CNTNAP5: variants seen among roughly 807,000 people sequenced by gnomAD.
The protein encoded by CNTNAP5 is contactin associated protein family member 5.
CNTNAP5 carries 72 observed loss-of-function variants against 150.2 expected under a neutral mutation model. The ratio of observed to expected loss-of-function variants is 0.48; its 90% CI spans 0.40 to 0.58. The LOEUF is 0.58. Ranked by LOEUF, CNTNAP5 falls within the 20% of genes least tolerant of loss-of-function variation. The pLI is 0.00. For synonymous variants in CNTNAP5, 672 were observed against 619.8 expected (o/e 1.08, Z -1.25); for missense variants, 1,636 against 1,626.2 (o/e 1.01, Z -0.10).
At chr2:124,169,498 G>T (rs564716945) in intron 1 of CNTNAP5, among the ~76,000 whole-genome samples, 6 of 152,258 alleles carry the variant, frequency 3.9e-5, no homozygotes, top group Non-Finnish European at 5.9e-5. Context: ...AATAGAAACC[G>T]CAAAGACTTG....
intron 1 of CNTNAP5, among the ~76,000 whole-genome samples, chr2:124,185,005 G>C (rs1265930356): frequency 6.6e-6 from 1 of 152,112 alleles, no homozygotes; most frequent in African/African-American, 2.4e-5. Context: ...ATAATGATTT[G>C]AACTTTTCAA....
chr2:124,805,785 G>A (rs1315511685), intron 19 of CNTNAP5, among the ~76,000 whole-genome samples: 1 of 152,198 alleles, frequency 6.6e-6, no homozygotes, highest in Non-Finnish European at 1.5e-5. Context: ...CGTCTGTTGA[G>A]GACCCTGCCT....
intron 3 of CNTNAP5, among the ~76,000 whole-genome samples, chr2:124,318,237 G>A (rs752956279): frequency 2.3e-4 from 35 of 152,284 alleles, no homozygotes; most frequent in Middle Eastern, 3.4e-3. Flanking sequence ...GGCAAGTCAC[G>A]CAGGCCTCTT....
At chr2:124,639,615 G>A (rs1291295529) in intron 12 of CNTNAP5, among the ~76,000 whole-genome samples, 1 of 135,930 alleles carries the variant, frequency 7.4e-6, no homozygotes, top group Admixed American at 7.3e-5. Context: ...ATAAACAGAG[G>A]GACAACAAGT....
intron 13 of CNTNAP5, among the ~76,000 whole-genome samples, chr2:124,711,120 A>G (rs1679797894): frequency 1.3e-5 from 2 of 151,926 alleles, no homozygotes; most frequent in Non-Finnish European, 2.9e-5. Flanking sequence ...AAAATACACA[A>G]ATTAGCCAGG....
At chr2:124,881,230 A>G (rs1327762160) in intron 21 of CNTNAP5, among the ~76,000 whole-genome samples, 1 of 152,110 alleles carries the variant, frequency 6.6e-6, no homozygotes, top group African/African-American at 2.4e-5. Flanking sequence ...GGAAAGAGAG[A>G]CTGGTATGCA....
At chr2:124,178,805 T>C (rs1022592874) in intron 1 of CNTNAP5, among the ~76,000 whole-genome samples, 8 of 152,176 alleles carry the variant, frequency 5.3e-5, no homozygotes, top group African/African-American at 1.7e-4. Context: ...CTCTAGATAG[T>C]GTGCTCATTA....
chr2:124,476,726 C>T (rs139948530), intron 7 of CNTNAP5, among the ~76,000 whole-genome samples: 2 of 152,250 alleles, frequency 1.3e-5, no homozygotes, highest in African/African-American at 4.8e-5. Context: ...TGGCCAGAAA[C>T]TTGGGCACCT....
At chr2:124,129,243 T>G (rs1358273178) in intron 1 of CNTNAP5, among the ~76,000 whole-genome samples, 3 of 152,118 alleles carry the variant, frequency 2.0e-5, no homozygotes, top group African/African-American at 7.2e-5. Context: ...AGCATATTAC[T>G]TAGAAAAAAA....
chr2:124,534,875 C>T (rs926442127), intron 10 of CNTNAP5, among the ~76,000 whole-genome samples: 26 of 152,146 alleles, frequency 1.7e-4, no homozygotes, highest in Non-Finnish European at 1.6e-4. Flanking sequence ...CTTCCTATCT[C>T]ATCCTGTGAC....
At chr2:124,843,288 G>A (rs181990247) in intron 19 of CNTNAP5, among the ~76,000 whole-genome samples, 124 of 152,022 alleles carry the variant, frequency 8.2e-4, no homozygotes, top group Non-Finnish European at 1.3e-3. Flanking sequence ...CTCGTTGATC[G>A]ATGAGCATTT....
intron 13 of CNTNAP5, among the ~76,000 whole-genome samples, chr2:124,714,892 A>G (rs1679912536): frequency 6.6e-6 from 1 of 152,164 alleles, no homozygotes; most frequent in Non-Finnish European, 1.5e-5. Context: ...TTGCAAAGTC[A>G]TGTTTTTGAC....
chr2:124,697,759 A>G lies in CNTNAP5; in HGVS notation c.2078-49470A>G, dbSNP rs1384516159. 3.3e-5 allele frequency among the ~76,000 whole-genome samples: 5 copies of G among 152,178 alleles called. No individual in the cohort carries two copies. The East Asian group carries it at 9.6e-4, about 29-fold the overall frequency. On this transcript the variant is annotated intron_variant, in intron 13 of 23. Transcript: ENST00000682447. ...ACACACCAATGCTTCATCATCTGTTAATATCCTTGCACAATTACTTTATAT... is the reference window on the plus strand; with the variant it reads ...ACACACCAATGCTTCATCATCTGTTGATATCCTTGCACAATTACTTTATAT...
chr2:124,259,119 G>A (rs1020276336), intron 3 of CNTNAP5, among the ~76,000 whole-genome samples: 3 of 147,960 alleles, frequency 2.0e-5, no homozygotes, highest in African/African-American at 7.4e-5. Flanking sequence ...TTGGTTTTTT[G>A]TCCTTGCGAT....
Position 124,786,398 on chromosome 2 carries a change from A to AGAAGGAAGGAAG in CNTNAP5, c.2753-3464_2753-3453dup, listed in dbSNP as rs773411166. On this transcript the variant is annotated intron_variant, in intron 17 of 23. Coordinates refer to ENST00000682447, the MANE Select transcript of CNTNAP5 (RefSeq NM_001367498.1). ...AAGAAAGAAAGAAAGAAAGAAAGAAAGAAGGAAGGAAGGAAGGAAGGAAGG... is the reference window on the plus strand; with the variant it reads ...AAGAAAGAAAGAAAGAAAGAAAGAAAGAAGGAAGGAAGGAAGGAAGGAAGGAAGGAAGGAAGG... Among the ~76,000 whole-genome samples the AGAAGGAAGGAAG allele has an allele frequency of 8.6e-3, 388 of 45,154 alleles. 5 individuals are homozygous for AGAAGGAAGGAAG. The highest frequency in any genetic ancestry group is 0.015 in the East Asian group (22 of 1,474). The allele number at this position is 45,154 out of a possible 152,430, so 29.6% of individuals were successfully genotyped here.
intron 1 of CNTNAP5, among the ~76,000 whole-genome samples, chr2:124,083,520 A>G (rs962670215): frequency 6.6e-6 from 1 of 152,138 alleles, no homozygotes; most frequent in African/African-American, 2.4e-5. Flanking sequence ...TAGATACCAA[A>G]TAGTTTTTAC....
intron 1 of CNTNAP5, among the ~76,000 whole-genome samples, chr2:124,188,705 A>G (rs1207543503): frequency 8.4e-6 from 1 of 119,004 alleles, no homozygotes; most frequent in Non-Finnish European, 1.7e-5. Context: ...GGTGACAGCG[A>G]GACTCTGTCT....
chr2:124,889,111 G>A (rs1678141327), intron 21 of CNTNAP5, among the ~76,000 whole-genome samples: 1 of 102,694 alleles, frequency 9.7e-6, no homozygotes, highest in Non-Finnish European at 1.8e-5. Flanking sequence ...TTTTTTGAGA[G>A]AAAGAATCTC....
At chr2:124,643,718 T>C (rs1232632003) in intron 12 of CNTNAP5, among the ~76,000 whole-genome samples, 1 of 152,202 alleles carries the variant, frequency 6.6e-6, no homozygotes, top group African/African-American at 2.4e-5. Context: ...CAAATCATTA[T>C]GATACTTCTA....
Sources: allele counts gnomAD v4.1 joint callset (sites outside exome capture counted in the v4.1 genomes callset), GRCh38; gene constraint gnomAD v4.1.1; transcripts MANE v1.5; gene names NCBI Gene and HGNC (gene_info 2026-07-23, HGNC 2026-07-21).